Variants in ZFAND3 observed in about 807,000 individuals in gnomAD.
ZFAND3 encodes zinc finger AN1-type containing 3.
Under a neutral mutation model 29.6 loss-of-function variants are expected in ZFAND3, and 10 were observed. The observed-to-expected ratio is 0.34, with a 90% CI of 0.21 to 0.57. The LOEUF (loss-of-function observed/expected upper bound fraction) is 0.57. Ranked by LOEUF, ZFAND3 falls within the 20% of genes least tolerant of loss-of-function variation. The pLI is 0.86. For missense variants in ZFAND3, 230 were observed against 304.5 expected (o/e 0.76, Z 1.82); for synonymous variants, 128 against 112.6 (o/e 1.14, Z -0.87).
chr6:37,973,730 G>T (rs1762429627), intron 2 of ZFAND3, among the ~76,000 whole-genome samples: 1 of 152,214 alleles, frequency 6.6e-6, no homozygotes, highest in Non-Finnish European at 1.5e-5. Flanking sequence ...AGCTGAAGAA[G>T]GCCTGTGTAT....
intron 2 of ZFAND3, among the ~76,000 whole-genome samples, chr6:38,045,306 C>A (rs1424021523): frequency 6.6e-6 from 1 of 151,886 alleles, no homozygotes; most frequent in Non-Finnish European, 1.5e-5. Flanking sequence ...CCAGGCTGGT[C>A]TCAAACTCCT....
chr6:37,898,185 T>C (rs180679033), intron 1 of ZFAND3, among the ~76,000 whole-genome samples: 4 of 152,378 alleles, frequency 2.6e-5, no homozygotes, highest in South Asian at 4.1e-4. Flanking sequence ...TTGGGTCTAC[T>C]GTACACATTT....
At chr6:37,867,549 G>C (rs1002043639) in intron 1 of ZFAND3, among the ~76,000 whole-genome samples, 2 of 152,186 alleles carry the variant, frequency 1.3e-5, no homozygotes, top group Non-Finnish European at 2.9e-5. Context: ...AAGGGGATTT[G>C]AGGTTGTTGT....
At chr6:38,130,521 A>G (rs1211045507) in intron 5 of ZFAND3, among the ~76,000 whole-genome samples, 1 of 152,222 alleles carries the variant, frequency 6.6e-6, no homozygotes, top group Non-Finnish European at 1.5e-5. Context: ...TTAATCATAA[A>G]GTGATGCTGG....
At chr6:38,122,537 T>C (rs1765555954) in intron 5 of ZFAND3, among the ~76,000 whole-genome samples, 1 of 152,186 alleles carries the variant, frequency 6.6e-6, no homozygotes, top group Admixed American at 6.5e-5. Flanking sequence ...TGTGCTCTTG[T>C]GGCATACTTC....
chr6:38,145,486 C>T (rs1181593751), intron 5 of ZFAND3, among the ~76,000 whole-genome samples: 1 of 152,202 alleles, frequency 6.6e-6, no homozygotes, highest in African/African-American at 2.4e-5. Context: ...GGTTTAGTCT[C>T]AAAACATCCA....
intron 4 of ZFAND3, among the ~76,000 whole-genome samples, chr6:38,114,095 A>T (rs977517791): frequency 1.3e-5 from 2 of 152,204 alleles, no homozygotes; most frequent in Non-Finnish European, 2.9e-5. Context: ...TCTTGTGCTG[A>T]CACCTGCCTC....
At chr6:38,070,720 ATATG>A (rs1430216273) in intron 3 of ZFAND3, among the ~76,000 whole-genome samples, 3 of 152,212 alleles carry the variant, frequency 2.0e-5, no homozygotes, top group African/African-American at 7.2e-5. Flanking sequence ...AAGTCAGAGA[ATATG>A]TATATTTAAA....
intron 5 of ZFAND3, among the ~76,000 whole-genome samples, chr6:38,148,039 A>G (rs1302474093): frequency 6.6e-6 from 1 of 152,180 alleles, no homozygotes; most frequent in Non-Finnish European, 1.5e-5. Flanking sequence ...GCCTAGATCA[A>G]TGTCCATAAG....
intron 5 of ZFAND3, among the ~76,000 whole-genome samples, chr6:38,128,464 G>A (rs749382359): frequency 6.6e-6 from 1 of 152,146 alleles, no homozygotes; most frequent in Non-Finnish European, 1.5e-5. Flanking sequence ...CTTATTTGTA[G>A]TGTTTTATCC....
chr6:37,894,974 G>T (rs1428425812), intron 1 of ZFAND3, among the ~76,000 whole-genome samples: 2 of 151,986 alleles, frequency 1.3e-5, no homozygotes, highest in Non-Finnish European at 2.9e-5. Flanking sequence ...TATGTGATGT[G>T]CGTTGGTGTA....
intron 1 of ZFAND3, among the ~76,000 whole-genome samples, chr6:37,913,501 A>C (rs1765559320): frequency 6.6e-6 from 1 of 152,020 alleles, no homozygotes; most frequent in Admixed American, 6.6e-5. Context: ...CACCACATCT[A>C]CAGTTATTTC....
intron 5 of ZFAND3, among the ~76,000 whole-genome samples, chr6:38,117,713 C>G (rs146172154): frequency 1.3e-3 from 196 of 152,356 alleles, no homozygotes; most frequent in African/African-American, 3.8e-3. Context: ...ACTTCTGGGA[C>G]AGCCGAAGAT....
chr6:38,063,246 G>GAGAATAT (rs1193500470), intron 3 of ZFAND3, among the ~76,000 whole-genome samples: 1 of 152,080 alleles, frequency 6.6e-6, no homozygotes, highest in African/African-American at 2.4e-5. Flanking sequence ...TGGTAATATC[G>GAGAATAT]AGAATATAAA....
intron 2 of ZFAND3, among the ~76,000 whole-genome samples, chr6:37,987,051 A>G (rs1438117137): frequency 2.0e-5 from 3 of 152,230 alleles, no homozygotes; most frequent in Non-Finnish European, 2.9e-5. Context: ...ATAGCCTTGA[A>G]AATATTTAAG....
At chr6:38,068,546 C>A (rs1486590683) in intron 3 of ZFAND3, among the ~76,000 whole-genome samples, 1 of 152,122 alleles carries the variant, frequency 6.6e-6, no homozygotes, top group African/African-American at 2.4e-5. Flanking sequence ...GGCAAATATT[C>A]TCCTTCCTAT....
chr6:38,072,937 A>G (rs1764484247), intron 3 of ZFAND3, among the ~76,000 whole-genome samples: 1 of 152,232 alleles, frequency 6.6e-6, no homozygotes, highest in Non-Finnish European at 1.5e-5. Context: ...TCCCTTCACT[A>G]CACAATTAAA....
chr6:37,947,042 GTTAAGATGGTAAA>G (rs1761916210), intron 2 of ZFAND3, among the ~76,000 whole-genome samples: 1 of 152,170 alleles, frequency 6.6e-6, no homozygotes, highest in African/African-American at 2.4e-5. Context: ...ATTAAAAACG[GTTAAGATGGTAAA>G]TTTTATGTTA....
intron 2 of ZFAND3, among the ~76,000 whole-genome samples, chr6:37,936,413 A>T (rs916319013): frequency 1.3e-5 from 2 of 152,226 alleles, no homozygotes; most frequent in Non-Finnish European, 2.9e-5. Flanking sequence ...AGGTTGTTGG[A>T]GTAGCTCTGA....
Sources: gnomAD v4.1 joint callset for allele counts (sites outside exome capture counted in the v4.1 genomes callset) on GRCh38, gnomAD v4.1.1 for gene constraint, MANE v1.5 for transcripts, NCBI Gene and HGNC (gene_info 2026-07-23, HGNC 2026-07-21) for gene names.